RABGAP1L: variants seen among roughly 807,000 people sequenced by gnomAD.
RABGAP1L encodes rab GTPase-activating protein 1-like.
In RABGAP1L, 63 loss-of-function variants were observed where a neutral mutation model predicts 137.7. That is an observed-to-expected ratio of 0.46 (90% CI 0.37 to 0.56). The LOEUF (loss-of-function observed/expected upper bound fraction) is 0.56. RABGAP1L is among the 20% of genes least tolerant of loss of function. The pLI, the probability that RABGAP1L is intolerant of heterozygous loss-of-function variation, is 0.00. For missense variants in RABGAP1L, 1,095 were observed against 1,244.0 expected, an observed-to-expected ratio of 0.88 and a Z score of 1.80; for synonymous variants, 431 against 433.7, an observed-to-expected ratio of 0.99 and a Z score of 0.08.
At chr1:174,916,160 C>T (rs756544496) in intron 19 of RABGAP1L, among the ~76,000 whole-genome samples, 1 of 148,876 alleles carries the variant, frequency 6.7e-6, no homozygotes, top group Non-Finnish European at 1.5e-5. Context: ...TATCCCAGCA[C>T]TATTTGTTGA....
At chr1:174,800,101 A>AT (rs1352500757) in intron 18 of RABGAP1L, 107 of 1,323,816 alleles carry the variant, frequency 8.1e-5, no homozygotes, top group Non-Finnish European at 9.1e-5. Context: ...GCCGTTTTTT[A>AT]TTTAGATCAG....
chr1:174,547,383 G>A (rs1038150912), intron 13 of RABGAP1L, among the ~76,000 whole-genome samples: 34 of 152,236 alleles, frequency 2.2e-4, no homozygotes, highest in Non-Finnish European at 3.2e-4. Flanking sequence ...TTGGAAGGCC[G>A]AGGCAGGAGG....
chr1:174,219,376 T>G (rs1257156800), intron 2 of RABGAP1L, 81 bp downstream of exon 2: 1 of 998,440 alleles, frequency 1.0e-6, no homozygotes, highest in African/African-American at 1.7e-5. Context: ...AATGCAAAGG[T>G]TTTTCTCAAG....
intron 19 of RABGAP1L, among the ~76,000 whole-genome samples, chr1:174,834,941 T>C (rs1692582620): frequency 6.6e-6 from 1 of 152,174 alleles, no homozygotes; most frequent in Non-Finnish European, 1.5e-5. Flanking sequence ...GTTTGAATTG[T>C]ATCCTGCAAA....
chr1:174,640,674 T>G (rs1553223328), intron 14 of RABGAP1L, among the ~76,000 whole-genome samples: 1 of 152,058 alleles, frequency 6.6e-6, no homozygotes, highest in Non-Finnish European at 1.5e-5. Context: ...ACCTTGATCT[T>G]ATCTCAGCTG....
intron 13 of RABGAP1L, among the ~76,000 whole-genome samples, chr1:174,622,673 G>A (rs1672613699): frequency 6.6e-6 from 1 of 152,170 alleles, no homozygotes; most frequent in African/African-American, 2.4e-5. Flanking sequence ...ATGGACACAG[G>A]AAGGGGAACA....
intron 13 of RABGAP1L, among the ~76,000 whole-genome samples, chr1:174,611,745 G>C (rs1049467254): frequency 6.6e-6 from 1 of 152,028 alleles, no homozygotes; most frequent in Non-Finnish European, 1.5e-5. Context: ...GCAGTGGTTT[G>C]TAGTTCTCCT....
At chr1:174,359,502 T>C (rs1435113353) in intron 11 of RABGAP1L, among the ~76,000 whole-genome samples, 1 of 152,222 alleles carries the variant, frequency 6.6e-6, no homozygotes, top group Non-Finnish European at 1.5e-5. Flanking sequence ...TTGAAGTCTC[T>C]CAATTAAATC....
At chr1:174,824,097 T>C (rs1288859068) in intron 19 of RABGAP1L, among the ~76,000 whole-genome samples, 11 of 151,914 alleles carry the variant, frequency 7.2e-5, no homozygotes. Flanking sequence ...CGAGACCAGC[T>C]TGGCCAACAG....
intron 1 of RABGAP1L, among the ~76,000 whole-genome samples, chr1:174,166,941 G>C (rs1664962320): frequency 6.6e-6 from 1 of 152,208 alleles, no homozygotes; most frequent in African/African-American, 2.4e-5. Flanking sequence ...CTTCTGGATA[G>C]TTGATAAAGA....
At chr1:174,293,381 A>G (rs992157262) in intron 10 of RABGAP1L, among the ~76,000 whole-genome samples, 2 of 152,122 alleles carry the variant, frequency 1.3e-5, no homozygotes, top group Admixed American at 1.3e-4. Flanking sequence ...CTCTGCTCAT[A>G]TGGGGTTATT....
intron 13 of RABGAP1L, among the ~76,000 whole-genome samples, chr1:174,522,650 T>C (rs1444392653): frequency 1.3e-5 from 2 of 152,188 alleles, no homozygotes; most frequent in Non-Finnish European, 2.9e-5. Context: ...TTTAATTGGC[T>C]TACAGTTCTG....
At chr1:174,675,795 T>C (rs998047127) in intron 14 of RABGAP1L, among the ~76,000 whole-genome samples, 2 of 152,230 alleles carry the variant, frequency 1.3e-5, no homozygotes, top group Admixed American at 1.3e-4. Context: ...TAAAAGCCCC[T>C]GTAGCTCTCA....
chr1:174,596,314 T>C (rs1480072208), intron 13 of RABGAP1L, among the ~76,000 whole-genome samples: 1 of 151,914 alleles, frequency 6.6e-6, no homozygotes, highest in Admixed American at 6.6e-5. Flanking sequence ...ACCCGTCTTC[T>C]GCGTGGCTCA....
intron 12 of RABGAP1L, among the ~76,000 whole-genome samples, chr1:174,376,052 C>G (rs1480083579): frequency 6.7e-6 from 1 of 149,792 alleles, no homozygotes; most frequent in Non-Finnish European, 1.5e-5. Context: ...AGTGACAGAG[C>G]AAGACTCTGT....
At chr1:174,447,075 A>G (rs1654853632) in intron 13 of RABGAP1L, among the ~76,000 whole-genome samples, 2 of 152,220 alleles carry the variant, frequency 1.3e-5, no homozygotes, top group South Asian at 4.1e-4. Flanking sequence ...AAGGTGGTAT[A>G]TGAAATAACA....
intron 15 of RABGAP1L, among the ~76,000 whole-genome samples, chr1:174,692,498 A>C (rs1204721784): frequency 1.3e-5 from 2 of 152,140 alleles, no homozygotes; most frequent in Admixed American, 1.3e-4. Context: ...GAACCTTGAA[A>C]CTGCAGTTTG....
At chr1:174,699,306 C>A (rs1007999174) in intron 15 of RABGAP1L, among the ~76,000 whole-genome samples, 1 of 151,992 alleles carries the variant, frequency 6.6e-6, no homozygotes, top group African/African-American at 2.4e-5. Context: ...TTAAAGGTAG[C>A]CTAATGAATG....
At chr1:174,261,935 A>G (rs1477183570) in intron 7 of RABGAP1L, among the ~76,000 whole-genome samples, 1 of 152,168 alleles carries the variant, frequency 6.6e-6, no homozygotes, top group Non-Finnish European at 1.5e-5. Flanking sequence ...TTTCCTGAAA[A>G]TGGGAATAGA....
Sources: allele counts gnomAD v4.1 joint callset (sites outside exome capture counted in the v4.1 genomes callset), GRCh38; gene constraint gnomAD v4.1.1; transcripts MANE v1.5; gene names NCBI Gene and HGNC (gene_info 2026-07-23, HGNC 2026-07-21).